The following ANKRD31 variants were observed in gnomAD, a reference collection of about 807,000 sequenced individuals.
The protein encoded by ANKRD31 is ankyrin repeat domain-containing protein 31.
ANKRD31 carries 147 observed loss-of-function variants against 186.0 expected under a neutral mutation model. The observed-to-expected ratio is 0.79, with a 90% CI of 0.69 to 0.91. The LOEUF (loss-of-function observed/expected upper bound fraction) is 0.91. Among genes scored for constraint, ANKRD31 ranks in the 40% least tolerant of loss-of-function variants. The probability of loss-of-function intolerance (pLI) is 0.00; values close to 1 mark genes in which losing one functional copy is unlikely to be tolerated. For missense variants in ANKRD31, 1,986 were observed against 2,148.8 expected, an observed-to-expected ratio of 0.92 and a Z score of 1.50; for synonymous variants, 673 against 736.4, an observed-to-expected ratio of 0.91 and a Z score of 1.39.
chr5:75,225,328 T>G (rs1757566005), intron 2 of ANKRD31: 1 of 152,944 alleles, frequency 6.5e-6, no homozygotes, highest in African/African-American at 2.4e-5. Flanking sequence ...TGAGGTAGAC[T>G]CCAACGTGGA....
intron 4 of ANKRD31, among the ~76,000 whole-genome samples, chr5:75,207,319 G>C (rs907826926): frequency 6.6e-6 from 1 of 151,722 alleles, no homozygotes; most frequent in Non-Finnish European, 1.5e-5. Flanking sequence ...AAATAGAAAA[G>C]AATGCTGATT....
intron 12 of ANKRD31, among the ~76,000 whole-genome samples, chr5:75,151,197 T>C (rs1475151500): frequency 6.6e-6 from 1 of 152,016 alleles, no homozygotes; most frequent in Non-Finnish European, 1.5e-5. Flanking sequence ...AAAACTACTC[T>C]CACGACTGGT....
At chr5:75,228,631 T>C (rs963790685) in intron 2 of ANKRD31, among the ~76,000 whole-genome samples, 1 of 152,170 alleles carries the variant, frequency 6.6e-6, no homozygotes, top group African/African-American at 2.4e-5. Context: ...ATATAAATAC[T>C]AAAGACTGGC....
chr5:75,172,367 A>T (rs952927761), intron 10 of ANKRD31, among the ~76,000 whole-genome samples: 1 of 89,982 alleles, frequency 1.1e-5, no homozygotes, highest in African/African-American at 8.9e-5. Flanking sequence ...ACTCTATTTA[A>T]AAAAAAAAAA....
At chr5:75,147,609 A>AT in intron 13 of ANKRD31, 104 bp from the exon 14 acceptor site, 3 of 882,166 alleles carry the variant, frequency 3.4e-6, no homozygotes. Context: ...TCAAACTATT[A>AT]TTTTCTAATT....
chr5:75,133,408 G>C (rs934792777), intron 17 of ANKRD31, among the ~76,000 whole-genome samples: 1 of 151,902 alleles, frequency 6.6e-6, no homozygotes, highest in Admixed American at 6.6e-5. Context: ...GACCAAAAGA[G>C]ACAAAGAAGG....
At chr5:75,140,715 G>A (rs976419027) in intron 15 of ANKRD31, among the ~76,000 whole-genome samples, 1 of 152,222 alleles carries the variant, frequency 6.6e-6, no homozygotes, top group South Asian at 2.1e-4. Context: ...GATGATGCAA[G>A]TAGCCATGTT....
chr5:75,176,831 C>T (rs189481438), intron 10 of ANKRD31, among the ~76,000 whole-genome samples: 7 of 152,322 alleles, frequency 4.6e-5, no homozygotes, highest in Non-Finnish European at 8.8e-5. Flanking sequence ...AGTGCCTCTC[C>T]TCCTCTAAAG....
At chr5:75,068,748 A>G (rs1378402060) in intron 25 of ANKRD31, 84 bp from the exon 26 acceptor site, 1 of 1,357,452 alleles carries the variant, frequency 7.4e-7, no homozygotes, top group Non-Finnish European at 9.6e-7. Flanking sequence ...CTAGAATCCA[A>G]TCAAGTCTAT....
At chr5:75,199,511 C>T (rs1363652455) in intron 6 of ANKRD31, 120 bp downstream of exon 6, 1 of 584,136 alleles carries the variant, frequency 1.7e-6, no homozygotes, top group African/African-American at 2.0e-5. Context: ...TTTTTATCTA[C>T]CGAAATGGTT....
At chr5:75,229,174 C>CA (rs2150318720) in intron 2 of ANKRD31, among the ~76,000 whole-genome samples, 1 of 152,240 alleles carries the variant, frequency 6.6e-6, no homozygotes, top group African/African-American at 2.4e-5. Flanking sequence ...ATAGATTTTT[C>CA]TAGAAATGTT....
At chr5:75,131,696 C>T (rs576018997) in intron 17 of ANKRD31, among the ~76,000 whole-genome samples, 267 of 152,298 alleles carry the variant, frequency 1.8e-3, no homozygotes, top group Non-Finnish European at 3.0e-3. Context: ...GATCTGAGAA[C>T]GGACAGACTG....
chr5:75,199,596 A>T (rs1297282771), intron 6 of ANKRD31, 35 bp downstream of exon 6: 2 of 1,471,528 alleles, frequency 1.4e-6, no homozygotes, highest in Non-Finnish European at 1.8e-6. Flanking sequence ...CTAAACTCAC[A>T]GTCTACATAG....
intron 23 of ANKRD31, among the ~76,000 whole-genome samples, chr5:75,085,679 G>GGT (rs112070667): frequency 0.049 from 7,444 of 152,202 alleles, 391 homozygotes; most frequent in African/African-American, 0.13. Context: ...TGGGATTACA[G>GGT]GTGTGAGCCA....
At chr5:75,088,133 T>G (rs960203048) in intron 23 of ANKRD31, among the ~76,000 whole-genome samples, 3 of 152,250 alleles carry the variant, frequency 2.0e-5, no homozygotes, top group Non-Finnish European at 4.4e-5. Context: ...TAAGGCTGTC[T>G]GTCGAGATGA....
intron 17 of ANKRD31, among the ~76,000 whole-genome samples, chr5:75,121,293 C>T (rs1748768826): frequency 6.6e-6 from 1 of 151,754 alleles, no homozygotes; most frequent in Admixed American, 6.6e-5. Context: ...AACACTGGAG[C>T]ACCCAGATTC....
At chr5:75,154,110 G>A (rs1239534817) in intron 12 of ANKRD31, 91 bp downstream of exon 12, 1 of 1,238,188 alleles carries the variant, frequency 8.1e-7, no homozygotes, top group Non-Finnish European at 1.0e-6. Context: ...ACACTCATGA[G>A]AAAAATAAAT....
chr5:75,220,307 GAACTT>G (rs1163994002), intron 3 of ANKRD31, among the ~76,000 whole-genome samples: 1 of 152,020 alleles, frequency 6.6e-6, no homozygotes, highest in Non-Finnish European at 1.5e-5. Flanking sequence ...AATCTACAAG[GAACTT>G]ACAAAAATGT....
Position 75,120,207 on chromosome 5 carries a change from C to A in ANKRD31, c.3877-1910G>T, listed in dbSNP as rs376087708. The stretch of plus-strand genomic sequence containing the variant: ...CCCAGGAGTTCGAGACCAGCCTGTG[C>A]AACATAGGGAGACCTCTTCTCTATA... On this transcript the variant is annotated intron_variant, in intron 17 of 25. Transcript: ENST00000506364. Among the ~76,000 whole-genome samples the A allele has an allele frequency of 2.2e-4, 34 of 152,086 alleles. No homozygotes were observed. In the East Asian group the frequency reaches 2.5e-3, roughly 11 times the overall value.
Sources: allele counts gnomAD v4.1 joint callset (sites outside exome capture counted in the v4.1 genomes callset), GRCh38; gene constraint gnomAD v4.1.1; transcripts MANE v1.5; gene names NCBI Gene and HGNC (gene_info 2026-07-23, HGNC 2026-07-21).